GRIP1: variants seen among roughly 807,000 people sequenced by gnomAD.
GRIP1 encodes the protein glutamate receptor interacting protein 1.
GRIP1 carries 45 observed loss-of-function variants against 129.9 expected under a neutral mutation model. That is an observed-to-expected ratio of 0.35 (90% CI 0.27 to 0.44). The LOEUF (loss-of-function observed/expected upper bound fraction) is 0.44. Ranked by LOEUF, GRIP1 falls within the 20% of genes least tolerant of loss-of-function variation. The probability of loss-of-function intolerance (pLI) is 1.00; values close to 1 mark genes in which losing one functional copy is unlikely to be tolerated. For missense variants in GRIP1, 1,196 were observed against 1,396.8 expected (o/e 0.86, Z 2.29); for synonymous variants, 530 against 520.8 (o/e 1.02, Z -0.24).
intron 1 of GRIP1, among the ~76,000 whole-genome samples, chr12:66,842,439 T>C (rs1221365765): frequency 6.6e-6 from 1 of 152,194 alleles, no homozygotes; most frequent in African/African-American, 2.4e-5. Context: ...CCACTCACTG[T>C]TGTGTGGCCT....
At chr12:66,936,699 G>A (rs1161435205) in intron 1 of GRIP1, among the ~76,000 whole-genome samples, 1 of 152,190 alleles carries the variant, frequency 6.6e-6, no homozygotes, top group African/African-American at 2.4e-5. Context: ...TAGTAAGGGT[G>A]TTCTTGCTGG....
intron 1 of GRIP1, among the ~76,000 whole-genome samples, chr12:66,702,083 G>C (rs7134939): frequency 0.022 from 3,402 of 152,174 alleles, 141 homozygotes; most frequent in African/African-American, 0.078. Flanking sequence ...TGAGAAAAAG[G>C]GAGTAAAAAT....
chr12:66,956,587 T>C (rs2041845049), intron 1 of GRIP1, among the ~76,000 whole-genome samples: 1 of 152,194 alleles, frequency 6.6e-6, no homozygotes, highest in Non-Finnish European at 1.5e-5. Context: ...TAGAAAGATG[T>C]TAAAGCCACC....
At chr12:66,383,914 T>G (rs1373989578) in intron 19 of GRIP1, among the ~76,000 whole-genome samples, 2 of 152,198 alleles carry the variant, frequency 1.3e-5, no homozygotes, top group Non-Finnish European at 2.9e-5. Flanking sequence ...TACTGCTGTC[T>G]GGAATGCAAA....
chr12:66,648,041 AG>A (rs1362355707), intron 1 of GRIP1, among the ~76,000 whole-genome samples: 3 of 152,160 alleles, frequency 2.0e-5, no homozygotes, highest in Non-Finnish European at 4.4e-5. Context: ...CTTTGAAAAT[AG>A]TTGCTAAAAG....
At chr12:66,442,630 C>G (rs1038419489) in intron 13 of GRIP1, among the ~76,000 whole-genome samples, 1 of 152,162 alleles carries the variant, frequency 6.6e-6, no homozygotes, top group Non-Finnish European at 1.5e-5. Context: ...TTCCAGGGCT[C>G]AAGTGATCCT....
intron 1 of GRIP1, among the ~76,000 whole-genome samples, chr12:66,903,303 T>A (rs951721682): frequency 1.3e-5 from 2 of 149,166 alleles, no homozygotes; most frequent in African/African-American, 5.2e-5. Context: ...AGTATTTTTT[T>A]TTTTTTTGTA....
intron 1 of GRIP1, among the ~76,000 whole-genome samples, chr12:66,760,620 C>A (rs2136667128): frequency 6.6e-6 from 1 of 152,266 alleles, no homozygotes; most frequent in Non-Finnish European, 1.5e-5. Context: ...GTGGGTTCCT[C>A]CCACAAAGTG....
intron 1 of GRIP1, among the ~76,000 whole-genome samples, chr12:66,943,637 T>C (rs1337154735): frequency 1.3e-5 from 2 of 152,182 alleles, no homozygotes; most frequent in Non-Finnish European, 2.9e-5. Context: ...AGTAAGTACA[T>C]TTACAGATCA....
At chr12:66,381,113 A>C (rs1169351627) in intron 19 of GRIP1, among the ~76,000 whole-genome samples, 1 of 152,208 alleles carries the variant, frequency 6.6e-6, no homozygotes, top group African/African-American at 2.4e-5. Flanking sequence ...CTCTCTGATC[A>C]AAAGGATTTG....
intron 1 of GRIP1, among the ~76,000 whole-genome samples, chr12:66,983,133 T>G (rs1174312323): frequency 6.6e-6 from 1 of 152,170 alleles, no homozygotes; most frequent in Non-Finnish European, 1.5e-5. Flanking sequence ...CTTATGGCAT[T>G]ACGGCAGTGC....
chr12:66,487,066 C>T (rs1012798833), intron 7 of GRIP1, among the ~76,000 whole-genome samples: 2 of 152,188 alleles, frequency 1.3e-5, no homozygotes, highest in African/African-American at 4.8e-5. Flanking sequence ...GCTGGGATTA[C>T]AGATGTGAGT....
At chr12:66,537,846 T>C (rs1048684387) in intron 4 of GRIP1, among the ~76,000 whole-genome samples, 11 of 151,866 alleles carry the variant, frequency 7.2e-5, no homozygotes, top group African/African-American at 2.2e-4. Flanking sequence ...ATTCCTGTAA[T>C]GAGATATTGA....
chr12:66,667,349 C>T (rs185225550), intron 1 of GRIP1, among the ~76,000 whole-genome samples: 1 of 152,238 alleles, frequency 6.6e-6, no homozygotes, highest in South Asian at 2.1e-4. Context: ...GGATGTGATA[C>T]CTTCTTGAAT....
At chr12:66,962,424 C>G (rs1377077189) in intron 1 of GRIP1, among the ~76,000 whole-genome samples, 1 of 152,090 alleles carries the variant, frequency 6.6e-6, no homozygotes, top group Non-Finnish European at 1.5e-5. Context: ...TTTACAGGCC[C>G]TGACTGAAGC....
At chr12:66,576,028 T>G (rs542375541) in intron 2 of GRIP1, among the ~76,000 whole-genome samples, 45 of 152,284 alleles carry the variant, frequency 3.0e-4, no homozygotes, top group African/African-American at 1.1e-3. Context: ...ATCAAAGGTA[T>G]GCTGAAAGGC....
chr12:66,650,591 C>T (rs919250035), intron 1 of GRIP1, among the ~76,000 whole-genome samples: 6 of 152,220 alleles, frequency 3.9e-5, no homozygotes, highest in Admixed American at 1.3e-4. Context: ...TCAAGAATAC[C>T]TTCCTTGAGA....
rs1016670442 is a variant in GRIP1 at position 66,570,072 on chromosome 12, T to C, written c.136+26775A>G. Among the ~76,000 whole-genome samples, 5 of 151,588 alleles carry C rather than the reference T, an allele frequency of 3.3e-5. No homozygotes were observed. In the East Asian group the frequency reaches 5.8e-4, roughly 18 times the overall value. On this transcript the variant is annotated intron_variant, in intron 2 of 24. Transcript: ENST00000359742. ...GCATCCCAGTTCACAGTTGTTAAAA[T>C]GTGTATGTTGGGGGGTAGTTTGTAG... is the stretch of plus-strand genomic sequence containing the variant.
chr12:67,030,650 C>G (rs1330507314), intron 1 of GRIP1, among the ~76,000 whole-genome samples: 2 of 152,182 alleles, frequency 1.3e-5, no homozygotes, highest in Admixed American at 6.5e-5. Context: ...CTTCTGAGAA[C>G]AGCAGATAAA....
Sources: allele counts gnomAD v4.1 joint callset (sites outside exome capture counted in the v4.1 genomes callset), GRCh38; gene constraint gnomAD v4.1.1; transcripts MANE v1.5; gene names NCBI Gene and HGNC (gene_info 2026-07-23, HGNC 2026-07-21).